C9orf85: variants seen among roughly 807,000 people sequenced by gnomAD.
The protein encoded by C9orf85 is uncharacterized protein C9orf85.
C9orf85 carries 16 observed loss-of-function variants against 14.9 expected under a neutral mutation model. The ratio of observed to expected loss-of-function variants is 1.08; its 90% confidence interval spans 0.73 to 1.63. The LOEUF (loss-of-function observed/expected upper bound fraction) is 1.63, where lower values mean the gene tolerates loss of function less well. C9orf85 is among the 40% of genes most tolerant of loss of function. C9orf85 has a pLI of 0.00. For missense variants in C9orf85, 172 were observed against 186.1 expected, an observed-to-expected ratio of 0.92 and a Z score of 0.44; for synonymous variants, 45 against 56.8, an observed-to-expected ratio of 0.79 and a Z score of 0.93.
At chr9:71,957,000 T>A (rs1268669947) in intron 2 of C9orf85, among the ~76,000 whole-genome samples, 1 of 151,982 alleles carries the variant, frequency 6.6e-6, no homozygotes, top group Non-Finnish European at 1.5e-5. Flanking sequence ...TTTTTTTTTT[T>A]AAGTAGACAC....
At chr9:71,930,628 A>G (rs1047863290) in intron 1 of C9orf85, among the ~76,000 whole-genome samples, 5 of 144,798 alleles carry the variant, frequency 3.5e-5, no homozygotes, top group Admixed American at 7.0e-5. Context: ...ACATAGTGAG[A>G]CTCTGTCTCT....
At chr9:71,974,458 G>T (rs1238062385), downstream of C9orf85, among the ~76,000 whole-genome samples, 2 of 151,968 alleles carry the variant, frequency 1.3e-5, no homozygotes, top group African/African-American at 4.8e-5. Context: ...TGGCCAGGTG[G>T]TCTCGAACTC....
At chr9:71,966,140 G>C (rs1192927643) in intron 2 of C9orf85, among the ~76,000 whole-genome samples, 1 of 152,122 alleles carries the variant, frequency 6.6e-6, no homozygotes, top group Non-Finnish European at 1.5e-5. Flanking sequence ...CAATCCAGCT[G>C]TTTCTATACC....
At chr9:71,938,291 T>TA (rs1019494916) in intron 1 of C9orf85, among the ~76,000 whole-genome samples, 1 of 152,088 alleles carries the variant, frequency 6.6e-6, no homozygotes, top group African/African-American at 2.4e-5. Context: ...TCTATTCTTT[T>TA]AAAAAATCTT....
At chr9:71,961,609 T>C (rs1223506942) in intron 2 of C9orf85, among the ~76,000 whole-genome samples, 3 of 152,132 alleles carry the variant, frequency 2.0e-5, no homozygotes, top group Non-Finnish European at 4.4e-5. Context: ...TAAAATGTTC[T>C]AGAGTGGAGT....
At chr9:71,975,332 T>C (rs1273511479), downstream of C9orf85, among the ~76,000 whole-genome samples, 1 of 151,016 alleles carries the variant, frequency 6.6e-6, no homozygotes, top group Non-Finnish European at 1.5e-5. Context: ...TCCCAGCTAC[T>C]CCGGAGGCTG....
intron 1 of C9orf85, among the ~76,000 whole-genome samples, chr9:71,913,812 G>A (rs1827578434): frequency 6.7e-6 from 1 of 148,806 alleles, no homozygotes; most frequent in Non-Finnish European, 1.5e-5. Flanking sequence ...TAATAACTAT[G>A]TCATTCTGGT....
downstream of C9orf85, among the ~76,000 whole-genome samples, chr9:71,978,406 G>A (rs573288475): frequency 2.0e-5 from 3 of 152,178 alleles, no homozygotes; most frequent in South Asian, 2.1e-4. Context: ...CACTGCGCCC[G>A]GTCACTTTTT....
intron 2 of C9orf85, among the ~76,000 whole-genome samples, chr9:71,952,181 TTC>T (rs1225084117): frequency 3.9e-5 from 6 of 152,148 alleles, no homozygotes; most frequent in African/African-American, 1.4e-4. Context: ...TGTTTTCCTT[TTC>T]TCTCAGTGAT....
chr9:71,959,692 CCTTGT>C (rs1400819619), intron 2 of C9orf85, among the ~76,000 whole-genome samples: 1 of 152,120 alleles, frequency 6.6e-6, no homozygotes, highest in Non-Finnish European at 1.5e-5. Flanking sequence ...TGTTAGAACA[CCTTGT>C]CTTGTGTAAC....
chr9:71,929,130 TG>T (rs1002422603), intron 1 of C9orf85, among the ~76,000 whole-genome samples: 3 of 152,228 alleles, frequency 2.0e-5, no homozygotes, highest in African/African-American at 7.2e-5. Flanking sequence ...CTCTTACACC[TG>T]CCCCAAGTAA....
chr9:71,956,242 G>GTTTTTTTTTTTTTTTTTTTTTTTTTTTT, intron 2 of C9orf85, among the ~76,000 whole-genome samples: 1 of 51,012 alleles, frequency 2.0e-5, no homozygotes, highest in Non-Finnish European at 3.7e-5. Flanking sequence ...GAATGCAAAA[G>GTTTTTTTTTTTTTTTTTTTTTTTTTTTT]TTTTTTTTTT....
chr9:71,976,581 G>A (rs1184896432), downstream of C9orf85, among the ~76,000 whole-genome samples: 5 of 151,376 alleles, frequency 3.3e-5, no homozygotes, highest in Admixed American at 1.3e-4. Flanking sequence ...AGAATGGCAT[G>A]AACCCGGGAG....
intron 1 of C9orf85, among the ~76,000 whole-genome samples, chr9:71,931,672 TAGTACTA>T (rs1487544187): frequency 6.6e-6 from 1 of 152,186 alleles, no homozygotes; most frequent in Admixed American, 6.5e-5. Flanking sequence ...AAGATAGGAA[TAGTACTA>T]TTCATCCCTC....
At position 71,946,985 on chromosome 9, in the gene C9orf85, GTCTT is replaced by G. The variant is rs1564091805; in HGVS notation, c.103-17_103-14del. ...GGCTCACGCGTGAAATTCTCAATTT[GTCTT>G]TCTGTTTGTTTTTAAGAAAATTAAT... On this transcript the variant is annotated splice_polypyrimidine_tract_variant and intron_variant, in intron 1 of 3. Coordinates refer to ENST00000334731, the MANE Select transcript of C9orf85 (RefSeq NM_182505.5). 3 of 1,559,108 alleles carry G rather than the reference GTCTT, an allele frequency of 1.9e-6. No homozygotes were observed. The highest frequency in any genetic ancestry group is 2.6e-6 in the Non-Finnish European group (3 of 1,133,954).
At chr9:71,944,942 T>C (rs1295067464) in intron 1 of C9orf85, among the ~76,000 whole-genome samples, 1 of 152,216 alleles carries the variant, frequency 6.6e-6, no homozygotes, top group Non-Finnish European at 1.5e-5. Flanking sequence ...TTTGTTCTAC[T>C]GTTGATCCAC....
rs1822917970 is a variant in C9orf85 at position 71,972,856 on chromosome 9, A to T, written c.*14A>T. 6.3e-7 allele frequency: 1 copy of T among 1,594,796 alleles called. No individual in the cohort carries two copies. The highest frequency in any genetic ancestry group is 1.3e-5 in the African/African-American group (1 of 74,324). ...CAAATGAATTAATATCACTGTATTA[A>T]AAGTCTGCCGGGCACAGTGGCTCAC... On this transcript the variant is annotated 3_prime_UTR_variant, in exon 4 of 4. Coordinates refer to ENST00000334731, the MANE Select transcript of C9orf85 (RefSeq NM_182505.5).
chr9:71,962,743 T>C (rs1822553891), intron 2 of C9orf85, among the ~76,000 whole-genome samples: 1 of 152,184 alleles, frequency 6.6e-6, no homozygotes, highest in Non-Finnish European at 1.5e-5. Context: ...GTTGATAGGT[T>C]TAATTATACA....
intron 2 of C9orf85, among the ~76,000 whole-genome samples, chr9:71,963,554 G>T (rs1018403937): frequency 6.6e-6 from 1 of 152,226 alleles, no homozygotes; most frequent in Non-Finnish European, 1.5e-5. Context: ...AGGCGTGAGC[G>T]GGAACCCGGG....
Sources: allele counts gnomAD v4.1 joint callset (sites outside exome capture counted in the v4.1 genomes callset), GRCh38; gene constraint gnomAD v4.1.1; transcripts MANE v1.5; gene names NCBI Gene and HGNC (gene_info 2026-07-23, HGNC 2026-07-21).